The following METTL15 variants were observed in gnomAD, a reference collection of about 807,000 sequenced individuals.
METTL15 encodes the protein methyltransferase 15, mitochondrial 12S rRNA N4-cytidine.
METTL15 carries 34 observed loss-of-function variants against 38.3 expected under a neutral mutation model. The observed-to-expected ratio is 0.89, with a 90% CI of 0.68 to 1.18. The LOEUF (loss-of-function observed/expected upper bound fraction) is 1.18. METTL15 is among the 50% of genes most tolerant of loss of function. METTL15 has a pLI of 0.00. For missense variants in METTL15, 438 were observed against 498.4 expected, an observed-to-expected ratio of 0.88 and a Z score of 1.15; for synonymous variants, 162 against 170.9, an observed-to-expected ratio of 0.95 and a Z score of 0.41.
intron 5 of METTL15, among the ~76,000 whole-genome samples, chr11:28,371,945 TG>T (rs1371552953): frequency 6.6e-6 from 1 of 152,092 alleles, no homozygotes; most frequent in Non-Finnish European, 1.5e-5. Context: ...TAAGGATAAT[TG>T]AACTTCCTCT....
At chr11:28,109,666 T>G (rs898365972) in intron 1 of METTL15, among the ~76,000 whole-genome samples, 3 of 152,244 alleles carry the variant, frequency 2.0e-5, no homozygotes, top group Non-Finnish European at 4.4e-5. Flanking sequence ...GCCAGTTGCT[T>G]GTAAAATTGC....
At chr11:28,403,276 G>C (rs1237084846) in intron 5 of METTL15, among the ~76,000 whole-genome samples, 1 of 152,110 alleles carries the variant, frequency 6.6e-6, no homozygotes. Flanking sequence ...ATATGACTGA[G>C]TCTGAGTCCT....
intron 3 of METTL15, among the ~76,000 whole-genome samples, chr11:28,196,146 A>C (rs1036955398): frequency 1.3e-5 from 2 of 151,752 alleles, no homozygotes; most frequent in African/African-American, 2.4e-5. Flanking sequence ...TTGCCTCTAG[A>C]TATGTTCTTT....
chr11:28,288,821 TAAA>T (rs1297390349), intron 4 of METTL15, among the ~76,000 whole-genome samples: 2 of 152,014 alleles, frequency 1.3e-5, no homozygotes, highest in African/African-American at 2.4e-5. Context: ...AAAAGTTAAA[TAAA>T]ATAAATAAAA....
At chr11:28,453,861 T>C (rs1028736418) in intron 6 of METTL15, among the ~76,000 whole-genome samples, 1 of 152,218 alleles carries the variant, frequency 6.6e-6, no homozygotes, top group Non-Finnish European at 1.5e-5. Context: ...TCTGTTTGGT[T>C]GGTTGGTTGG....
chr11:28,521,015 CTT>C (rs759197367), intron 6 of METTL15, among the ~76,000 whole-genome samples: 48 of 144,406 alleles, frequency 3.3e-4, no homozygotes, highest in Admixed American at 8.3e-4. Flanking sequence ...TATCAAACTT[CTT>C]TTTTTTTTTT....
chr11:28,374,979 C>T (rs1385312255), intron 5 of METTL15, among the ~76,000 whole-genome samples: 1 of 151,414 alleles, frequency 6.6e-6, no homozygotes, highest in Admixed American at 6.6e-5. Context: ...TATTGATTTG[C>T]ATATATTGAA....
At chr11:28,456,264 C>T (rs756984087) in intron 6 of METTL15, among the ~76,000 whole-genome samples, 3 of 152,046 alleles carry the variant, frequency 2.0e-5, no homozygotes, top group Non-Finnish European at 4.4e-5. Flanking sequence ...TCTGTCTCTG[C>T]CCCAAAGGAT....
chr11:28,214,057 A>G (rs1203208398), intron 4 of METTL15, among the ~76,000 whole-genome samples: 1 of 151,278 alleles, frequency 6.6e-6, no homozygotes, highest in African/African-American at 2.4e-5. Flanking sequence ...CTTTTTTTTT[A>G]TTGGAGACAA....
intron 6 of METTL15, among the ~76,000 whole-genome samples, chr11:28,435,095 A>T (rs1046428017): frequency 6.6e-6 from 1 of 152,220 alleles, no homozygotes; most frequent in African/African-American, 2.4e-5. Context: ...AATCTTCCAT[A>T]GTCTGCCTTC....
At chr11:28,374,540 G>A (rs1850283807) in intron 5 of METTL15, among the ~76,000 whole-genome samples, 1 of 122,786 alleles carries the variant, frequency 8.1e-6, no homozygotes, top group South Asian at 2.7e-4. Flanking sequence ...TGCTGAAGTT[G>A]CTTATCAGCT....
At chr11:28,501,727 C>T (rs375526844) in intron 6 of METTL15, among the ~76,000 whole-genome samples, 10 of 152,224 alleles carry the variant, frequency 6.6e-5, no homozygotes, top group African/African-American at 2.4e-4. Context: ...TGTCAGTGGT[C>T]ATTAGTCCAG....
chr11:28,419,610 C>A (rs1206645563), intron 5 of METTL15, among the ~76,000 whole-genome samples: 1 of 152,104 alleles, frequency 6.6e-6, no homozygotes, highest in Non-Finnish European at 1.5e-5. Context: ...CAGATACTGA[C>A]AAACATCCCC....
intron 3 of METTL15, among the ~76,000 whole-genome samples, chr11:28,183,685 T>A (rs1381959180): frequency 2.6e-5 from 4 of 152,122 alleles, no homozygotes; most frequent in Non-Finnish European, 5.9e-5. Flanking sequence ...GATTTTCGCA[T>A]TGAAGTTCAT....
intron 6 of METTL15, among the ~76,000 whole-genome samples, chr11:28,465,583 T>C (rs1406567053): frequency 6.6e-6 from 1 of 152,192 alleles, no homozygotes; most frequent in Non-Finnish European, 1.5e-5. Context: ...CTTTTCTTTT[T>C]AGTGAATGGA....
intron 6 of METTL15, among the ~76,000 whole-genome samples, chr11:28,457,502 C>T (rs1851179050): frequency 6.6e-6 from 1 of 152,154 alleles, no homozygotes; most frequent in Non-Finnish European, 1.5e-5. Flanking sequence ...CTCAAGCAGT[C>T]TGAAAGGTTG....
chr11:28,217,057 A>C (rs1371165915), intron 4 of METTL15, among the ~76,000 whole-genome samples: 1 of 152,112 alleles, frequency 6.6e-6, no homozygotes, highest in African/African-American at 2.4e-5. Context: ...CATGATTTAT[A>C]ATCCTTAGGG....
chr11:28,113,085 T>C (rs2133587477), intron 2 of METTL15, among the ~76,000 whole-genome samples: 1 of 152,278 alleles, frequency 6.6e-6, no homozygotes, highest in South Asian at 2.1e-4. Context: ...TGTATTAGGC[T>C]ACATTAAAAA....
At chr11:28,117,286 T>C (rs1427845499) in intron 3 of METTL15, among the ~76,000 whole-genome samples, 1 of 140,978 alleles carries the variant, frequency 7.1e-6, no homozygotes, top group Non-Finnish European at 1.5e-5. Context: ...TATATATATA[T>C]ATATATATAT....
Sources: allele counts gnomAD v4.1 joint callset (sites outside exome capture counted in the v4.1 genomes callset), GRCh38; gene constraint gnomAD v4.1.1; transcripts MANE v1.5; gene names NCBI Gene and HGNC (gene_info 2026-07-23, HGNC 2026-07-21).